The following EDA variants were observed in gnomAD, a reference collection of about 807,000 sequenced individuals.
EDA encodes ectodysplasin A.
Under a neutral mutation model 23.6 loss-of-function variants are expected in EDA, and 2 were observed. That is an observed-to-expected ratio of 0.08 (90% CI 0.03 to 0.27). The LOEUF is 0.27. Ranked by LOEUF, EDA falls within the 10% of genes least tolerant of loss-of-function variation. EDA has a pLI of 1.00. For missense variants in EDA, 229 were observed against 324.2 expected, an observed-to-expected ratio of 0.71 and a Z score of 2.26; for synonymous variants, 131 against 132.0, an observed-to-expected ratio of 0.99 and a Z score of 0.05.
intron 1 of EDA, among the ~76,000 whole-genome samples, chrX:69,752,586 C>T (rs1000497610): frequency 1.5e-4 from 17 of 111,362 alleles, no homozygotes; most frequent in Non-Finnish European, 3.0e-4. Context: ...ATGATGTTGG[C>T]CTCATAAAAT....
chrX:69,669,114 C>T (rs1468440866), intron 1 of EDA, among the ~76,000 whole-genome samples: 4 of 111,304 alleles, frequency 3.6e-5, no homozygotes, highest in African/African-American at 9.8e-5. Context: ...TTTTGGTTAC[C>T]ATTTGTGTAG....
At chrX:70,023,561 C>G (rs1388538655) in intron 3 of EDA, among the ~76,000 whole-genome samples, 1 of 87,102 alleles carries the variant, frequency 1.1e-5, no homozygotes, top group East Asian at 4.2e-4. Flanking sequence ...GCAATCTTAG[C>G]TCACTGAAAC....
chrX:69,853,849 TTTTG>T (rs758443979), intron 1 of EDA, among the ~76,000 whole-genome samples: 1 of 112,305 alleles, frequency 8.9e-6, no homozygotes, highest in Non-Finnish European at 1.9e-5. Context: ...TCTGTTTGTT[TTTTG>T]TTTGTTTGTT....
chrX:69,636,248 TCTC>T (rs915274565), intron 1 of EDA, among the ~76,000 whole-genome samples: 1 of 109,665 alleles, frequency 9.1e-6, no homozygotes, highest in African/African-American at 3.3e-5. Flanking sequence ...TGGCACCTCT[TCTC>T]CTCTTCCTTG....
In EDA at chrX:70,029,322, G is replaced by C. The variant is rs2020166859; in HGVS notation, c.707-182G>C. Among the ~76,000 whole-genome samples, 4 of 112,353 alleles carry C rather than the reference G, an allele frequency of 3.6e-5. 1 individual carries two copies. The highest frequency in any genetic ancestry group is 7.5e-5 in the Non-Finnish European group (4 of 53,243). ...GCTGGGTGCTGGGCCCACTGAAGAT[G>C]AAGGTCAGGGCAGGAAACAGAAGGG... On this transcript the variant is annotated intron_variant, in intron 4 of 7. Transcript: ENST00000374552.
chrX:69,850,632 A>G (rs1235262144), intron 1 of EDA, among the ~76,000 whole-genome samples: 5 of 111,874 alleles, frequency 4.5e-5, no homozygotes, highest in Non-Finnish European at 9.4e-5. Flanking sequence ...TATATTCCAT[A>G]GTCATTGGGA....
intron 1 of EDA, among the ~76,000 whole-genome samples, chrX:69,912,769 C>CTTTTTT (rs750059116): frequency 7.6e-5 from 6 of 79,188 alleles, no homozygotes; most frequent in South Asian, 6.8e-4. Context: ...TTTTTCTTTT[C>CTTTTTT]TTTTTTTTTT....
At chrX:69,815,882 G>C (rs2016070024) in intron 1 of EDA, among the ~76,000 whole-genome samples, 1 of 112,429 alleles carries the variant, frequency 8.9e-6, no homozygotes. Flanking sequence ...CCTCCTGACT[G>C]GGTGAGATCT....
intron 1 of EDA, among the ~76,000 whole-genome samples, chrX:69,802,410 A>G (rs1199603398): frequency 9.1e-6 from 1 of 110,281 alleles, no homozygotes; most frequent in Non-Finnish European, 1.9e-5. Context: ...CAAATTCAAG[A>G]TGGTATTTAA....
intron 2 of EDA, among the ~76,000 whole-genome samples, chrX:69,994,736 A>T: frequency 8.9e-6 from 1 of 111,870 alleles, no homozygotes; most frequent in Non-Finnish European, 1.9e-5. Context: ...CCAAACTCCT[A>T]TTCCGCCTAG....
chrX:69,682,458 C>T (rs1049584941), intron 1 of EDA, among the ~76,000 whole-genome samples: 2 of 112,256 alleles, frequency 1.8e-5, no homozygotes, highest in African/African-American at 6.5e-5. Context: ...GACTGCTGTG[C>T]TATCAATCAG....
chrX:70,035,727 GC>G lies in EDA; in HGVS notation c.*122del. ...ATTGGTGTTGCAGCCGCAGAGAAATGCCCCAGTGTTATTTATTCCCCAGTGA... is the reference window on the plus strand; with the variant it reads ...ATTGGTGTTGCAGCCGCAGAGAAATGCCCAGTGTTATTTATTCCCCAGTGA... On this transcript the variant is annotated 3_prime_UTR_variant, in exon 8 of 8. Transcript: ENST00000374552. 1 of 925,783 alleles carries G rather than the reference GC, an allele frequency of 1.1e-6. No homozygotes were observed. The highest frequency in any genetic ancestry group is 1.5e-6 in the Non-Finnish European group (1 of 661,343). The allele number at this position is 925,783 out of a possible 1,213,427, so 76.3% of individuals were successfully genotyped here. A position where few individuals can be genotyped will look rare whatever the true frequency, so the allele number is the denominator to read the frequency against.
chrX:69,643,259 TC>T (rs1932861400), intron 1 of EDA, among the ~76,000 whole-genome samples: 1 of 110,424 alleles, frequency 9.1e-6, no homozygotes, highest in African/African-American at 3.3e-5. Context: ...TACTTAGAGT[TC>T]TTTTTTTTTC....
chrX:69,750,754 C>T (rs1356342606), intron 1 of EDA, among the ~76,000 whole-genome samples: 4 of 111,780 alleles, frequency 3.6e-5, no homozygotes, highest in African/African-American at 6.5e-5. Flanking sequence ...GATTTTGACT[C>T]GCATTTCTCT....
chrX:69,910,477 T>C (rs188348465), intron 1 of EDA, among the ~76,000 whole-genome samples: 217 of 108,230 alleles, frequency 2.0e-3, no homozygotes, highest in African/African-American at 6.9e-3. Flanking sequence ...AATCTATACA[T>C]TTATATCTTT....
chrX:69,741,610 C>T (rs1427230443), intron 1 of EDA, among the ~76,000 whole-genome samples: 1 of 111,905 alleles, frequency 8.9e-6, no homozygotes, highest in Non-Finnish European at 1.9e-5. Context: ...ACTGGTTGTT[C>T]TATTGTTTTT....
At chrX:70,014,322 A>T (rs1384086931) in intron 2 of EDA, among the ~76,000 whole-genome samples, 1 of 112,923 alleles carries the variant, frequency 8.9e-6, no homozygotes, top group Non-Finnish European at 1.9e-5. Flanking sequence ...CAACAACAAA[A>T]ATACTTTGCT....
At chrX:69,691,078 C>T (rs771428407) in intron 1 of EDA, among the ~76,000 whole-genome samples, 16 of 111,398 alleles carry the variant, frequency 1.4e-4, no homozygotes, top group Non-Finnish European at 2.8e-4. Flanking sequence ...AGAAAAAAAT[C>T]GCCTTTTGAA....
chrX:69,896,455 AG>A (rs2018017426), intron 1 of EDA, among the ~76,000 whole-genome samples: 1 of 107,253 alleles, frequency 9.3e-6, no homozygotes, highest in Admixed American at 1.0e-4. Context: ...GCTGCAAAGA[AG>A]GGATGGGGTG....
Sources: allele counts gnomAD v4.1 joint callset (sites outside exome capture counted in the v4.1 genomes callset), GRCh38; gene constraint gnomAD v4.1.1; transcripts MANE v1.5; gene names NCBI Gene and HGNC (gene_info 2026-07-23, HGNC 2026-07-21).